The following FSTL4 variants were observed in gnomAD, a reference collection of about 807,000 sequenced individuals.
FSTL4 encodes follistatin-related protein 4.
Under a neutral mutation model 78.2 loss-of-function variants are expected in FSTL4, and 28 were observed. The ratio of observed to expected loss-of-function variants is 0.36; its 90% CI spans 0.27 to 0.49. The LOEUF (loss-of-function observed/expected upper bound fraction) is 0.49. Ranked by LOEUF, FSTL4 falls within the 20% of genes least tolerant of loss-of-function variation. The pLI, the probability that FSTL4 is intolerant of heterozygous loss-of-function variation, is 0.98. For missense variants in FSTL4, 922 were observed against 1,084.9 expected, an observed-to-expected ratio of 0.85 and a Z score of 2.11; for synonymous variants, 422 against 440.5, an observed-to-expected ratio of 0.96 and a Z score of 0.53.
chr5:133,712,671 C>T, the FSTL4 span, among the ~76,000 whole-genome samples: 39 of 152,350 alleles, frequency 2.6e-4, 1 homozygote, highest in East Asian at 7.5e-3. Context: ...CACTGGGTTA[C>T]AAACCCAAGC....
intron 3 of FSTL4, among the ~76,000 whole-genome samples, chr5:133,526,200 A>G (rs17166741): frequency 0.014 from 2,085 of 152,316 alleles, 52 homozygotes; most frequent in African/African-American, 0.048. Context: ...CCTACGGTAA[A>G]TGATCAATAC....
intron 15 of FSTL4, 33 bp downstream of exon 15, chr5:133,201,900 G>T: frequency 1.6e-6 from 2 of 1,243,588 alleles, no homozygotes; most frequent in African/African-American, 1.5e-5. Flanking sequence ...CTGGAGCGGG[G>T]AGTGCCTTAG....
chr5:133,760,366 C>T, the FSTL4 span, among the ~76,000 whole-genome samples: 9,071 of 152,276 alleles, frequency 0.06, 375 homozygotes, highest in Non-Finnish European at 0.091. Context: ...CACTGACTGG[C>T]TACTGACTTC....
chr5:133,680,156 A>G, the FSTL4 span, among the ~76,000 whole-genome samples: 4 of 152,298 alleles, frequency 2.6e-5, no homozygotes, highest in South Asian at 2.1e-4. Flanking sequence ...ACAGCATGGC[A>G]TGGTCTTCCA....
rs112907469 is a variant in FSTL4 at position 133,268,274 on chromosome 5, C to T, written c.728-18698G>A. ...TCTATTGTCGCCCAAGCTCCCAGGT[C>T]ATCAGTTTACAGCACAGAACACTTT... is the stretch of plus-strand genomic sequence containing the variant. On this transcript the variant is annotated intron_variant, in intron 6 of 15. Coordinates refer to ENST00000265342, the MANE Select transcript of FSTL4 (RefSeq NM_015082.2). Among the ~76,000 whole-genome samples, 575 of 152,274 alleles carry T rather than the reference C, an allele frequency of 3.8e-3. 6 individuals are homozygous for T. Among genetic ancestry groups the T allele is most frequent in the African/African-American group, 0.013 (553 of 41,550 alleles).
chr5:133,417,760 C>G (rs34671653), intron 3 of FSTL4, among the ~76,000 whole-genome samples: 10,056 of 151,672 alleles, frequency 0.066, 525 homozygotes, highest in Admixed American at 0.16. Context: ...GAGTTTGAGA[C>G]CAGCTGGGCC....
At chr5:133,660,359 TG>T in the FSTL4 span, among the ~76,000 whole-genome samples, 2 of 152,156 alleles carry the variant, frequency 1.3e-5, no homozygotes, top group African/African-American at 4.8e-5. Context: ...GCCCGGTCCA[TG>T]GGAATTAGGG....
chr5:133,476,443 CT>C (rs1005333555), intron 3 of FSTL4, among the ~76,000 whole-genome samples: 3 of 152,128 alleles, frequency 2.0e-5, no homozygotes, highest in Admixed American at 6.5e-5. Flanking sequence ...TATACCAATG[CT>C]TTCATAGCTC....
intron 4 of FSTL4, among the ~76,000 whole-genome samples, chr5:133,370,256 C>A (rs1755265434): frequency 2.0e-5 from 3 of 152,128 alleles, no homozygotes; most frequent in Admixed American, 1.3e-4. Context: ...GAGGAAATGA[C>A]AAGGTCGCTT....
At chr5:133,800,214 G>T in the FSTL4 span, among the ~76,000 whole-genome samples, 2 of 138,238 alleles carry the variant, frequency 1.4e-5, no homozygotes, top group Non-Finnish European at 3.2e-5. Context: ...AATATTGGGG[G>T]GCAGTCAAAG....
chr5:133,620,334 TTATTCTCAA>T, the FSTL4 span, among the ~76,000 whole-genome samples: 1 of 152,216 alleles, frequency 6.6e-6, no homozygotes, highest in East Asian at 1.9e-4. Flanking sequence ...GATACAGCCT[TTATTCTCAA>T]CACATGAAAA....
chr5:133,249,584 G>C lies in FSTL4; in HGVS notation c.728-8C>G. 2 of 1,604,916 alleles carry C rather than the reference G, an allele frequency of 1.2e-6. No homozygotes were observed. Among genetic ancestry groups the C allele is most frequent in the Non-Finnish European group, 1.7e-6 (2 of 1,173,114 alleles). The stretch of plus-strand genomic sequence containing the variant: ...GGCTGAGCTGAACCACTTCTGCAGA[G>C]GGAAAGGAGGAGGCACGGTCAGGTG... On this transcript the variant is annotated splice_polypyrimidine_tract_variant and splice_region_variant and intron_variant, in intron 6 of 15. Transcript: ENST00000265342.
At chr5:133,410,179 G>A (rs1756449989) in intron 3 of FSTL4, among the ~76,000 whole-genome samples, 1 of 152,164 alleles carries the variant, frequency 6.6e-6, no homozygotes, top group Non-Finnish European at 1.5e-5. Flanking sequence ...CTGCCCTTGG[G>A]AGAGTTTCTT....
the FSTL4 span, among the ~76,000 whole-genome samples, chr5:133,794,160 GCCAGGTCTAT>G: frequency 6.6e-6 from 1 of 152,204 alleles, no homozygotes; most frequent in Non-Finnish European, 1.5e-5. Flanking sequence ...TCTGACTTGG[GCCAGGTCTAT>G]CCAACCCAGA....
chr5:133,644,704 T>G, the FSTL4 span, among the ~76,000 whole-genome samples: 2 of 152,156 alleles, frequency 1.3e-5, no homozygotes, highest in Non-Finnish European at 2.9e-5. Flanking sequence ...GAACCTGTTC[T>G]GCTGGTTACT....
rs1190086744 is a variant in FSTL4 at position 133,470,547 on chromosome 5, C to T, written c.161-69561G>A. ...ATCACCTGGGGTCAGGAGTTTGAGA[C>T]CAGCCTGGCCAACATGGTGAAACCC... is the stretch of plus-strand genomic sequence containing the variant. On this transcript the variant is annotated intron_variant, in intron 3 of 15. Transcript: ENST00000265342. Among the ~76,000 whole-genome samples, 3 of 151,996 alleles carry T rather than the reference C, an allele frequency of 2.0e-5. No homozygotes were observed. In the East Asian group the frequency reaches 5.8e-4, roughly 29 times the overall value.
chr5:133,775,876 G>T, the FSTL4 span, among the ~76,000 whole-genome samples: 2 of 152,138 alleles, frequency 1.3e-5, no homozygotes, highest in East Asian at 3.9e-4. Flanking sequence ...GATGGTGAAG[G>T]GAAATGCTCC....
At chr5:133,264,116 A>G (rs1752593486) in intron 6 of FSTL4, among the ~76,000 whole-genome samples, 1 of 152,142 alleles carries the variant, frequency 6.6e-6, no homozygotes, top group Admixed American at 6.5e-5. Flanking sequence ...CATCTGGTGG[A>G]CGCAGCCTGA....
the FSTL4 span, among the ~76,000 whole-genome samples, chr5:133,814,283 G>A: frequency 1.8e-4 from 28 of 152,182 alleles, no homozygotes; most frequent in Non-Finnish European, 2.9e-4. Context: ...TGCATCCTCC[G>A]GTTGGAGGTT....
Sources: allele counts gnomAD v4.1 joint callset (sites outside exome capture counted in the v4.1 genomes callset), GRCh38; gene constraint gnomAD v4.1.1; transcripts MANE v1.5; gene names NCBI Gene and HGNC (gene_info 2026-07-23, HGNC 2026-07-21).